PDE3A: variants seen among roughly 807,000 people sequenced by gnomAD.
The protein encoded by PDE3A is cGMP-inhibited 3',5'-cyclic phosphodiesterase 3A.
PDE3A carries 43 observed loss-of-function variants against 98.3 expected under a neutral mutation model. The observed-to-expected ratio is 0.44, with a 90% confidence interval of 0.34 to 0.56. The LOEUF (loss-of-function observed/expected upper bound fraction) is 0.56. Ranked by LOEUF, PDE3A falls within the 20% of genes least tolerant of loss-of-function variation. The pLI is 0.01. For synonymous variants in PDE3A, 663 were observed against 567.9 expected, an observed-to-expected ratio of 1.17 and a Z score of -2.38; for missense variants, 1,427 against 1,440.7, an observed-to-expected ratio of 0.99 and a Z score of 0.15.
chr12:20,554,753 A>C (rs1942323338), intron 1 of PDE3A, among the ~76,000 whole-genome samples: 1 of 151,626 alleles, frequency 6.6e-6, no homozygotes, highest in Non-Finnish European at 1.5e-5. Flanking sequence ...CGCCCACCTA[A>C]TTTTTGTATT....
intron 2 of PDE3A, among the ~76,000 whole-genome samples, chr12:20,594,845 A>C (rs1209346066): frequency 6.6e-6 from 1 of 152,046 alleles, no homozygotes; most frequent in African/African-American, 2.4e-5. Context: ...TTATTGCCTT[A>C]TAGCATTCTG....
At chr12:20,518,642 C>T (rs921415934) in intron 1 of PDE3A, among the ~76,000 whole-genome samples, 18 of 151,978 alleles carry the variant, frequency 1.2e-4, no homozygotes, top group East Asian at 5.8e-4. Context: ...GTTTCAGATC[C>T]GAAGTGTTTG....
chr12:20,377,416 T>C (rs375959503), intron 1 of PDE3A, among the ~76,000 whole-genome samples: 90 of 151,948 alleles, frequency 5.9e-4, no homozygotes, highest in Middle Eastern at 3.4e-3. Flanking sequence ...TTTTTGTGAG[T>C]CTAAATATCT....
At chr12:20,436,024 G>A (rs1944773652) in intron 1 of PDE3A, among the ~76,000 whole-genome samples, 1 of 152,124 alleles carries the variant, frequency 6.6e-6, no homozygotes, top group African/African-American at 2.4e-5. Context: ...CGTAGGTAAA[G>A]GTGGAATTGA....
chr12:20,412,592 G>C (rs1944353698), intron 1 of PDE3A, among the ~76,000 whole-genome samples: 1 of 152,230 alleles, frequency 6.6e-6, no homozygotes, highest in South Asian at 2.1e-4. Flanking sequence ...ATTGGCAATA[G>C]GATTTAGAAT....
At position 20,630,133 on chromosome 12, in the gene PDE3A, G is replaced by A. The variant is rs771291720; in HGVS notation, c.1760+6G>A. 6.4e-6 allele frequency: 10 copies of A among 1,568,850 alleles called. No individual in the cohort carries two copies. The highest frequency in any genetic ancestry group is 8.8e-6 in the Non-Finnish European group (10 of 1,139,244). ...CCACCTGTTATATGTAGCAGGTAAGGATTTTTTATGAACTGAAGTTTAATA... is the reference window on the plus strand; with the variant it reads ...CCACCTGTTATATGTAGCAGGTAAGAATTTTTTATGAACTGAAGTTTAATA... On this transcript the variant is annotated splice_donor_region_variant and intron_variant, in intron 6 of 15. Coordinates refer to ENST00000359062, the MANE Select transcript of PDE3A (RefSeq NM_000921.5).
At chr12:20,585,067 A>G (rs964206854) in intron 2 of PDE3A, among the ~76,000 whole-genome samples, 3 of 152,148 alleles carry the variant, frequency 2.0e-5, no homozygotes, top group African/African-American at 4.8e-5. Context: ...TTCTTTCTCT[A>G]GTTGCTAATT....
chr12:20,428,679 G>T (rs1944642530), intron 1 of PDE3A, among the ~76,000 whole-genome samples: 1 of 152,080 alleles, frequency 6.6e-6, no homozygotes, highest in African/African-American at 2.4e-5. Flanking sequence ...AACAAAATAT[G>T]CAATAACAAC....
chr12:20,629,770 T>A lies in PDE3A; in HGVS notation c.1541-138T>A, dbSNP rs190402175. On this transcript the variant is annotated intron_variant, in intron 5 of 15. Coordinates refer to ENST00000359062, the MANE Select transcript of PDE3A (RefSeq NM_000921.5). ...ACCACACTGGCTTCAGATGTTGGTA[T>A]GTGGAGGAGGCCAGCCCGGTGACCT... The A allele has an allele frequency of 2.0e-5, 13 of 650,802 alleles. No homozygotes were observed. In the East Asian group the frequency reaches 3.5e-4, roughly 18 times the overall value. 40.3% of individuals were successfully genotyped at this position (650,802 alleles called of 1,614,324 possible).
In PDE3A at chr12:20,489,598, T is replaced by A. The variant is rs561620124; in HGVS notation, c.961-67062T>A. Among the ~76,000 whole-genome samples, 5 of 152,346 alleles carry A rather than the reference T, an allele frequency of 3.3e-5. 1 individual carries two copies. In the South Asian group the frequency reaches 8.3e-4, roughly 25 times the overall value. Reference sequence around the variant, plus strand: ...GGAGGGGAAATAATTTGTGCTTAGATATATTAATGCCTAACTGATGTTTTA... The same window carrying A: ...GGAGGGGAAATAATTTGTGCTTAGAAATATTAATGCCTAACTGATGTTTTA... On this transcript the variant is annotated intron_variant, in intron 1 of 15. Transcript: ENST00000359062.
At chr12:20,669,856 C>A (rs1391088561) in intron 15 of PDE3A, among the ~76,000 whole-genome samples, 1 of 151,730 alleles carries the variant, frequency 6.6e-6, no homozygotes, top group East Asian at 1.9e-4. Context: ...ACAATATTAA[C>A]TTTAAATGTA....
chr12:20,503,680 A>G (rs1304465656), intron 1 of PDE3A, among the ~76,000 whole-genome samples: 2 of 152,072 alleles, frequency 1.3e-5, no homozygotes, highest in African/African-American at 4.8e-5. Flanking sequence ...GATGCATGTT[A>G]TTATGTCATA....
At chr12:20,386,382 C>A (rs769549051) in intron 1 of PDE3A, among the ~76,000 whole-genome samples, 1 of 149,166 alleles carries the variant, frequency 6.7e-6, no homozygotes, top group African/African-American at 2.5e-5. Context: ...CTCTAATGAT[C>A]GGTGATGTTG....
intron 2 of PDE3A, among the ~76,000 whole-genome samples, chr12:20,574,225 G>A (rs1469214252): frequency 6.6e-6 from 1 of 151,988 alleles, no homozygotes; most frequent in Non-Finnish European, 1.5e-5. Flanking sequence ...ACTATACCTG[G>A]TCTTCTTAAA....
chr12:20,447,481 C>T (rs919520890), intron 1 of PDE3A, among the ~76,000 whole-genome samples: 32 of 152,068 alleles, frequency 2.1e-4, no homozygotes, highest in African/African-American at 7.5e-4. Flanking sequence ...TTACTAATGG[C>T]CAGTGATACA....
At chr12:20,396,911 G>A (rs147900317) in intron 1 of PDE3A, among the ~76,000 whole-genome samples, 1 of 152,024 alleles carries the variant, frequency 6.6e-6, no homozygotes, top group Admixed American at 6.6e-5. Flanking sequence ...GAAGTGGTCA[G>A]AAAGCCTGGA....
chr12:20,385,680 A>T (rs926980663), intron 1 of PDE3A, among the ~76,000 whole-genome samples: 3 of 151,464 alleles, frequency 2.0e-5, no homozygotes, highest in East Asian at 2.0e-4. Context: ...TCAGCAAACT[A>T]TCGCAAGGAC....
intron 15 of PDE3A, among the ~76,000 whole-genome samples, chr12:20,679,518 AT>A (rs1462962481): frequency 2.0e-5 from 3 of 152,198 alleles, no homozygotes; most frequent in South Asian, 2.1e-4. Flanking sequence ...AAGTGCTGGG[AT>A]TCACAGACGT....
At chr12:20,581,898 A>G (rs959044177) in intron 2 of PDE3A, among the ~76,000 whole-genome samples, 2 of 152,164 alleles carry the variant, frequency 1.3e-5, no homozygotes, top group African/African-American at 4.8e-5. Context: ...TTCTAAATGT[A>G]AAATCTATAG....
Sources: allele counts gnomAD v4.1 joint callset (sites outside exome capture counted in the v4.1 genomes callset), GRCh38; gene constraint gnomAD v4.1.1; transcripts MANE v1.5; gene names NCBI Gene and HGNC (gene_info 2026-07-23, HGNC 2026-07-21).